The following TJP2 variants were observed in gnomAD, a reference collection of about 807,000 sequenced individuals.
TJP2 encodes the protein tight junction protein 2.
Under a neutral mutation model 133.1 loss-of-function variants are expected in TJP2, and 91 were observed. The observed-to-expected ratio is 0.68, with a 90% CI of 0.58 to 0.81. The LOEUF (loss-of-function observed/expected upper bound fraction) is 0.81, where lower values mean the gene tolerates loss of function less well. TJP2 is among the 40% of genes least tolerant of loss of function. The pLI is 0.00. For synonymous variants in TJP2, 592 were observed against 583.4 expected, an observed-to-expected ratio of 1.01 and a Z score of -0.21; for missense variants, 1,541 against 1,565.6, an observed-to-expected ratio of 0.98 and a Z score of 0.26.
At chr9:69,232,053 C>T (rs1438209949) in intron 11 of TJP2, among the ~76,000 whole-genome samples, 1 of 152,166 alleles carries the variant, frequency 6.6e-6, no homozygotes, top group Non-Finnish European at 1.5e-5. Context: ...TCAGACCTCT[C>T]TGTAAGTTGT....
chr9:69,246,135 A>G (rs1258231736), intron 17 of TJP2: 2 of 174,014 alleles, frequency 1.1e-5, no homozygotes, highest in Non-Finnish European at 2.5e-5. Context: ...AAAGTATATA[A>G]GAGGATGTAC....
intron 1 of TJP2, among the ~76,000 whole-genome samples, chr9:69,175,960 C>G (rs1293755267): frequency 6.6e-6 from 1 of 152,178 alleles, no homozygotes; most frequent in African/African-American, 2.4e-5. Flanking sequence ...CTACTCCTGC[C>G]AGTCACTGTG....
At chr9:69,166,849 A>T (rs1824383790) in intron 2 of TJP2, among the ~76,000 whole-genome samples, 1 of 152,232 alleles carries the variant, frequency 6.6e-6, no homozygotes, top group Non-Finnish European at 1.5e-5. Context: ...AGGTGGAAGG[A>T]CTGCTTGAGC....
intron 7 of TJP2, among the ~76,000 whole-genome samples, chr9:69,226,938 TCTTCC>T (rs1829396789): frequency 6.6e-6 from 1 of 152,236 alleles, no homozygotes; most frequent in African/African-American, 2.4e-5. Flanking sequence ...CTGCATCACC[TCTTCC>T]CTTTTAAAGA....
chr9:69,189,679 CAAAG>C lies in TJP2; in HGVS notation c.60+15251_60+15254del, dbSNP rs142682669. Among the ~76,000 whole-genome samples the C allele has an allele frequency of 2.0e-3, 70 of 35,546 alleles. 16 individuals are homozygous for C. Among genetic ancestry groups the C allele is most frequent in the Non-Finnish European group, 4.0e-3 (60 of 14,872 alleles). 23.3% of individuals were successfully genotyped at this position (35,546 alleles called of 152,430 possible). A position where few individuals can be genotyped will look rare whatever the true frequency, so the allele number is the denominator to read the frequency against. On this transcript the variant is annotated intron_variant, in intron 1 of 22. Coordinates refer to ENST00000377245, the MANE Select transcript of TJP2 (RefSeq NM_004817.4). Reference sequence around the variant, plus strand: ...TAAAAAAGTTAAAAAAAAAAAAAGACAAAGAAAAAGGAAAGTTGATTTTTGGTTC... The same window carrying C: ...TAAAAAAGTTAAAAAAAAAAAAAGACAAAAAGGAAAGTTGATTTTTGGTTC...
intron 4 of TJP2, 97 bp downstream of exon 4, chr9:69,218,456 C>G: frequency 1.1e-6 from 1 of 885,940 alleles, no homozygotes; most frequent in Non-Finnish European, 1.9e-6. Flanking sequence ...GACAGAATTA[C>G]ATAACCTAGG....
chr9:69,133,788 T>C (rs555372737), intron 1 of TJP2, among the ~76,000 whole-genome samples: 1 of 151,388 alleles, frequency 6.6e-6, no homozygotes, highest in Non-Finnish European at 1.5e-5. Flanking sequence ...TGACCTCAAG[T>C]GACCCGCCTG....
chr9:69,179,500 T>C (rs1434945282), intron 1 of TJP2, among the ~76,000 whole-genome samples: 1 of 146,770 alleles, frequency 6.8e-6, no homozygotes, highest in African/African-American at 2.5e-5. Context: ...GTTACTTTTT[T>C]CTTTTTCTTT....
intron 1 of TJP2, among the ~76,000 whole-genome samples, chr9:69,185,018 A>C (rs554489245): frequency 6.7e-6 from 1 of 150,336 alleles, no homozygotes; most frequent in Admixed American, 6.6e-5. Context: ...CCGAAGTGCT[A>C]GGATTATAGG....
At chr9:69,204,983 G>A (rs1827281199) in intron 1 of TJP2, 2 of 1,352,168 alleles carry the variant, frequency 1.5e-6, no homozygotes, top group Non-Finnish European at 1.9e-6. Flanking sequence ...CATAAGTAGT[G>A]CTTTTCAAAG....
exon 2 of TJP2, chr9:69,151,682 T>C (rs1823486237): frequency 8.1e-7 from 1 of 1,232,092 alleles, no homozygotes; most frequent in Non-Finnish European, 1.0e-6. Context: ...GTCATCTCCC[T>C]GTGAGTGGGA....
At position 69,162,903 on chromosome 9, in the gene TJP2, ATG is replaced by A. The variant is rs755983604; in HGVS notation, c.-10+11138_-10+11139del. ...ACTTATATTAAAAACTGAAATCCAA[ATG>A]TGTGTTTGTACAAACATATGTAAAT... On this transcript the variant is annotated intron_variant, in intron 2 of 5. Transcript: ENST00000423935. 4.6e-5 allele frequency among the ~76,000 whole-genome samples: 7 copies of A among 152,336 alleles called. No individual in the cohort carries two copies. In the East Asian group the frequency reaches 7.7e-4, roughly 17 times the overall value.
chr9:69,164,219 A>C (rs991459741), intron 2 of TJP2, among the ~76,000 whole-genome samples: 6 of 152,152 alleles, frequency 3.9e-5, no homozygotes, highest in African/African-American at 1.4e-4. Flanking sequence ...CCACTTTCAG[A>C]TCCGAAAATT....
chr9:69,150,980 C>T (rs1040340054), intron 1 of TJP2, among the ~76,000 whole-genome samples: 3 of 152,124 alleles, frequency 2.0e-5, no homozygotes, highest in African/African-American at 7.2e-5. Context: ...ACCCTGAATA[C>T]ATTATGCTAA....
chr9:69,176,528 AT>A (rs1372090573), intron 1 of TJP2, among the ~76,000 whole-genome samples: 5 of 152,258 alleles, frequency 3.3e-5, no homozygotes, highest in African/African-American at 1.2e-4. Context: ...GAAATCCCTC[AT>A]GTATTAAATG....
At chr9:69,188,919 A>G (rs1332943843) in intron 1 of TJP2, among the ~76,000 whole-genome samples, 1 of 152,212 alleles carries the variant, frequency 6.6e-6, no homozygotes, top group African/African-American at 2.4e-5. Flanking sequence ...TGGGTTATAG[A>G]ATTGGAAGGA....
intron 4 of TJP2, among the ~76,000 whole-genome samples, chr9:69,218,823 A>G (rs1448688774): frequency 6.6e-6 from 1 of 152,190 alleles, no homozygotes; most frequent in Non-Finnish European, 1.5e-5. Flanking sequence ...GCTGGATGCC[A>G]TTAGGCCCTG....
intron 1 of TJP2, 35 bp downstream of exon 1, chr9:69,174,467 G>C: frequency 7.4e-7 from 1 of 1,345,370 alleles, no homozygotes; most frequent in Non-Finnish European, 1.0e-6. Context: ...GTTGGGAGGA[G>C]GGTCGTGAGC....
chr9:69,189,762 G>C lies in TJP2; in HGVS notation c.60+15330G>C, dbSNP rs1391057802. Among the ~76,000 whole-genome samples the C allele has an allele frequency of 6.5e-5, 7 of 108,462 alleles. 2 individuals are homozygous for C. Among genetic ancestry groups the C allele is most frequent in the African/African-American group, 2.4e-4 (7 of 28,720 alleles). The allele number at this position is 108,462 out of a possible 152,430, so 71.2% of individuals were successfully genotyped here. On this transcript the variant is annotated intron_variant, in intron 1 of 22. Coordinates refer to ENST00000377245, the MANE Select transcript of TJP2 (RefSeq NM_004817.4). ...ATGGTTCTGACCACATTCTAAATTG[G>C]ACTTGATGGTGGGCAAGGGAAACTT...
Sources: gnomAD v4.1 joint callset for allele counts (sites outside exome capture counted in the v4.1 genomes callset) on GRCh38, gnomAD v4.1.1 for gene constraint, MANE v1.5 for transcripts, NCBI Gene and HGNC (gene_info 2026-07-23, HGNC 2026-07-21) for gene names.